Variants in AFF3 observed in about 807,000 individuals in gnomAD.
The protein encoded by AFF3 is AF4/FMR2 family member 3.
A neutral mutation model predicts 129.7 loss-of-function variants in AFF3; 32 were observed. That is an observed-to-expected ratio of 0.25 (90% CI 0.19 to 0.33). The LOEUF (loss-of-function observed/expected upper bound fraction) is 0.33, where lower values mean the gene tolerates loss of function less well. Among genes scored for constraint, AFF3 ranks in the 10% least tolerant of loss-of-function variants. The pLI is 1.00. For missense variants in AFF3, 1,373 were observed against 1,592.0 expected, an observed-to-expected ratio of 0.86 and a Z score of 2.34; for synonymous variants, 644 against 635.4, an observed-to-expected ratio of 1.01 and a Z score of -0.20.
In AFF3 at chr2:99,934,188, T is replaced by C. The variant is rs77975931; in HGVS notation, c.873+72444A>G. On this transcript the variant is annotated intron_variant, in intron 7 of 24. Transcript: ENST00000672756. ...GGACTCAGGTCACTTCTTTCTGCCA[T>C]GTGCCTGGTGGGAGTAGGATCTAGA... 7.7e-4 allele frequency among the ~76,000 whole-genome samples: 117 copies of C among 152,294 alleles called. 1 individual carries two copies. The East Asian group carries it at 0.018, about 24-fold the overall frequency.
chr2:99,648,938 C>CTCTCTCTCTCTCTCTCTTTCT (rs56856050), intron 13 of AFF3, among the ~76,000 whole-genome samples: 3 of 146,516 alleles, frequency 2.0e-5, no homozygotes, highest in Non-Finnish European at 3.0e-5. Context: ...CTCTCTCTCT[C>CTCTCTCTCTCTCTCTCTTTCT]CAATCTTAGT....
At chr2:99,857,335 T>A (rs1352444809) in intron 7 of AFF3, among the ~76,000 whole-genome samples, 1 of 152,250 alleles carries the variant, frequency 6.6e-6, no homozygotes, top group Non-Finnish European at 1.5e-5. Context: ...TGTCACAGTT[T>A]GTTTATAAGA....
chr2:99,918,859 T>C (rs1695664571), intron 7 of AFF3, among the ~76,000 whole-genome samples: 1 of 152,174 alleles, frequency 6.6e-6, no homozygotes, highest in African/African-American at 2.4e-5. Context: ...AACTTTTGCA[T>C]GAAGACCAAA....
Position 99,587,375 on chromosome 2 carries a change from C to A in AFF3, c.2467-97G>T, listed in dbSNP as rs539652573. 3.0e-4 allele frequency: 433 copies of A among 1,455,668 alleles called. 1 individual carries two copies. In the African/African-American group the frequency reaches 5.6e-3, roughly 19 times the overall value. 90.2% of individuals were successfully genotyped at this position (1,455,668 alleles called of 1,614,324 possible). ...TCCACAGAGCAAGGCCTCCTGGGAG[C>A]CCCACTCACCTGGCTTCCCCGAAGC... is the stretch of plus-strand genomic sequence containing the variant. On this transcript the variant is annotated intron_variant, in intron 15 of 24. Coordinates refer to ENST00000672756, the MANE Select transcript of AFF3 (RefSeq NM_001386135.1).
intron 8 of AFF3, among the ~76,000 whole-genome samples, chr2:99,823,425 G>A (rs1432630088): frequency 1.3e-5 from 2 of 152,026 alleles, no homozygotes; most frequent in African/African-American, 4.8e-5. Context: ...ATAATGTTAA[G>A]GTAATTAGCA....
chr2:99,857,438 T>C (rs1690610114), intron 7 of AFF3, among the ~76,000 whole-genome samples: 1 of 152,268 alleles, frequency 6.6e-6, no homozygotes, highest in Non-Finnish European at 1.5e-5. Context: ...AATCATTGCA[T>C]TCTCAGATGT....
intron 4 of AFF3, among the ~76,000 whole-genome samples, chr2:100,046,063 T>C (rs1167911212): frequency 1.3e-5 from 2 of 152,146 alleles, no homozygotes; most frequent in Admixed American, 1.3e-4. Flanking sequence ...CCAAGAATAG[T>C]CTACCACTTG....
chr2:99,616,335 C>T (rs1432721856), intron 13 of AFF3, among the ~76,000 whole-genome samples: 1 of 151,948 alleles, frequency 6.6e-6, no homozygotes. Flanking sequence ...TACCAGAGCT[C>T]TTTGACTTTT....
rs891376265 is a variant in AFF3, at chr2:100,074,176, C to T, written c.53+30226G>A. 4.6e-5 allele frequency among the ~76,000 whole-genome samples: 7 copies of T among 152,184 alleles called. No individual in the cohort carries two copies. In the East Asian group the frequency reaches 5.8e-4, roughly 13 times the overall value. The stretch of plus-strand genomic sequence containing the variant: ...CCCGCTCCACTGTCTCCCGATCTAA[C>T]GGAGCTCAATGACTTTGCTGCGTTT... On this transcript the variant is annotated intron_variant, in intron 4 of 24. Coordinates refer to ENST00000672756, the MANE Select transcript of AFF3 (RefSeq NM_001386135.1).
intron 8 of AFF3, among the ~76,000 whole-genome samples, chr2:99,818,350 C>A (rs1309855320): frequency 6.6e-6 from 1 of 152,136 alleles, no homozygotes; most frequent in Non-Finnish European, 1.5e-5. Flanking sequence ...CATTTCCCGA[C>A]AGAAATGTAG....
chr2:99,913,478 T>G (rs1695246055), intron 7 of AFF3, among the ~76,000 whole-genome samples: 3 of 152,162 alleles, frequency 2.0e-5, no homozygotes, highest in Admixed American at 2.0e-4. Flanking sequence ...TGATCAATAC[T>G]GAAGTAGATG....
At chr2:99,644,430 T>C (rs1053225973) in intron 13 of AFF3, among the ~76,000 whole-genome samples, 1 of 152,222 alleles carries the variant, frequency 6.6e-6, no homozygotes, top group African/African-American at 2.4e-5. Flanking sequence ...CATATAAAAT[T>C]ATGTTCCATT....
chr2:100,065,051 T>C (rs1687605720), intron 4 of AFF3, among the ~76,000 whole-genome samples: 1 of 152,202 alleles, frequency 6.6e-6, no homozygotes, highest in South Asian at 2.1e-4. Context: ...TCCCAGAAAA[T>C]ATAATTCACG....
chr2:99,727,171 C>T (rs369709309), intron 10 of AFF3, 43 bp from the exon 11 acceptor site: 82 of 1,543,828 alleles, frequency 5.3e-5, no homozygotes, highest in Non-Finnish European at 6.8e-5. Flanking sequence ...ATGAGTCTTA[C>T]AGTCTTTAAG....
rs562254015 is a variant in AFF3, at chr2:99,719,994, G to A, written c.1091+7083C>T. 1.4e-3 allele frequency among the ~76,000 whole-genome samples: 214 copies of A among 152,294 alleles called. 1 individual carries two copies. The highest frequency in any genetic ancestry group is 3.7e-3 in the South Asian group (18 of 4,826). ...GGAGCTTGCAGTGAGCTGAGATCGC[G>A]CCAATGCACTCCAGCCTGGGTGACA... On this transcript the variant is annotated intron_variant, in intron 11 of 24. Coordinates refer to ENST00000672756, the MANE Select transcript of AFF3 (RefSeq NM_001386135.1).
intron 8 of AFF3, among the ~76,000 whole-genome samples, chr2:99,773,108 C>T (rs772993439): frequency 1.3e-5 from 2 of 152,222 alleles, no homozygotes; most frequent in Non-Finnish European, 2.9e-5. Context: ...CATCTTCCTT[C>T]AAGAAGACTC....
intron 7 of AFF3, among the ~76,000 whole-genome samples, chr2:99,868,017 C>CTT (rs397779127): frequency 0.093 from 13,398 of 143,922 alleles, 2,102 homozygotes; most frequent in African/African-American, 0.32. Context: ...TCTTTCTTTC[C>CTT]TTTTTTTTTT....
At chr2:99,925,842 T>G (rs559666407) in intron 7 of AFF3, among the ~76,000 whole-genome samples, 15 of 152,328 alleles carry the variant, frequency 9.8e-5, no homozygotes, top group Admixed American at 7.2e-4. Context: ...ACTGCTTATG[T>G]TGTTCTAAAG....
intron 7 of AFF3, among the ~76,000 whole-genome samples, chr2:99,925,431 A>C (rs1034750058): frequency 1.3e-5 from 2 of 152,222 alleles, no homozygotes; most frequent in Non-Finnish European, 1.5e-5. Context: ...ATGATCTAGG[A>C]ATTTCTGTCA....
Sources: allele counts gnomAD v4.1 joint callset (sites outside exome capture counted in the v4.1 genomes callset), GRCh38; gene constraint gnomAD v4.1.1; transcripts MANE v1.5; gene names NCBI Gene and HGNC (gene_info 2026-07-23, HGNC 2026-07-21).